The following CDH13 variants were observed in gnomAD, a reference collection of about 807,000 sequenced individuals.
CDH13 encodes the protein cadherin-13.
In CDH13, 24 loss-of-function variants were observed where a neutral mutation model predicts 63.8. That is an observed-to-expected ratio of 0.38 (90% confidence interval 0.27 to 0.53). CDH13 has a LOEUF of 0.53. Among genes scored for constraint, CDH13 ranks in the 20% least tolerant of loss-of-function variants. The probability of loss-of-function intolerance (pLI) is 0.85; values close to 1 mark genes in which losing one functional copy is unlikely to be tolerated. For synonymous variants in CDH13, 503 were observed against 355.3 expected (o/e 1.42, Z -4.67); for missense variants, 1,049 against 903.1 (o/e 1.16, Z -2.07).
At chr16:83,263,282 T>C (rs1452571525) in intron 5 of CDH13, among the ~76,000 whole-genome samples, 2 of 152,260 alleles carry the variant, frequency 1.3e-5, no homozygotes, top group Non-Finnish European at 2.9e-5. Flanking sequence ...TTTTGCTTAG[T>C]TGGTTGTCTG....
At chr16:83,041,852 A>G (rs1253262867) in intron 3 of CDH13, among the ~76,000 whole-genome samples, 1 of 152,226 alleles carries the variant, frequency 6.6e-6, no homozygotes, top group Non-Finnish European at 1.5e-5. Context: ...GACACATTTA[A>G]TAAAACAAAT....
chr16:83,754,859 A>C (rs990916447), intron 11 of CDH13, among the ~76,000 whole-genome samples: 2 of 152,088 alleles, frequency 1.3e-5, no homozygotes, highest in African/African-American at 4.8e-5. Context: ...CTAATACATC[A>C]TCCTATCTGA....
At chr16:82,630,415 T>A (rs1031809319) in intron 1 of CDH13, among the ~76,000 whole-genome samples, 1 of 152,236 alleles carries the variant, frequency 6.6e-6, no homozygotes, top group African/African-American at 2.4e-5. Context: ...TTCCACAGTC[T>A]ATACTAAAAG....
At chr16:83,663,722 C>T (rs890572020) in intron 8 of CDH13, among the ~76,000 whole-genome samples, 1 of 152,136 alleles carries the variant, frequency 6.6e-6, no homozygotes, top group Non-Finnish European at 1.5e-5. Context: ...TCTTTCTGTT[C>T]ATGGTTACTG....
chr16:83,269,313 C>G (rs1374679632), intron 5 of CDH13, among the ~76,000 whole-genome samples: 1 of 152,164 alleles, frequency 6.6e-6, no homozygotes, highest in East Asian at 1.9e-4. Flanking sequence ...ATCACCACAG[C>G]TTTGTATTAC....
intron 7 of CDH13, among the ~76,000 whole-genome samples, chr16:83,526,286 G>A (rs1172814209): frequency 6.6e-6 from 1 of 151,986 alleles, no homozygotes; most frequent in Admixed American, 6.6e-5. Context: ...TCTCAAGCTG[G>A]GGCAAAAATA....
chr16:83,611,741 A>C (rs1041411850), intron 8 of CDH13, among the ~76,000 whole-genome samples: 1 of 152,084 alleles, frequency 6.6e-6, no homozygotes, highest in African/African-American at 2.4e-5. Context: ...TTCAGATCAA[A>C]AATATTTTTG....
At chr16:83,490,694 G>A (rs1230838751) in intron 7 of CDH13, among the ~76,000 whole-genome samples, 2 of 152,192 alleles carry the variant, frequency 1.3e-5, no homozygotes, top group African/African-American at 2.4e-5. Flanking sequence ...AGAAATATCT[G>A]TTGAGAGTTG....
rs34536219 is a variant in CDH13 at position 83,077,186 on chromosome 16, C to CTTTTTTTTTTTTTTTTT, written c.366+44976_366+44992dup. Among the ~76,000 whole-genome samples, 20 of 59,172 alleles carry CTTTTTTTTTTTTTTTTT rather than the reference C, an allele frequency of 3.4e-4. 2 individuals carry two copies. The highest frequency in any genetic ancestry group is 5.9e-4 in the East Asian group (1 of 1,684). 38.8% of individuals were successfully genotyped at this position (59,172 alleles called of 152,430 possible). A position where few individuals can be genotyped will look rare whatever the true frequency, so the allele number is the denominator to read the frequency against. ...TCTTTTCTTTTCTTTTTTTTCTTTT[C>CTTTTTTTTTTTTTTTTT]TTTTTTTTTTTTTTTTTTTTTTTTG... On this transcript the variant is annotated intron_variant, in intron 3 of 13. Transcript: ENST00000567109.
chr16:82,930,496 A>G (rs1270109090), intron 2 of CDH13, among the ~76,000 whole-genome samples: 1 of 152,112 alleles, frequency 6.6e-6, no homozygotes. Context: ...TATGGTTTGT[A>G]TACGGATGCC....
chr16:83,121,720 T>A (rs28507852), intron 3 of CDH13, among the ~76,000 whole-genome samples: 67,848 of 152,056 alleles, frequency 0.45, 16,338 homozygotes, highest in Admixed American at 0.57. Context: ...TTCATACAGT[T>A]TTATTCTTCT....
At chr16:83,127,588 G>A (rs1272009704) in intron 4 of CDH13, among the ~76,000 whole-genome samples, 1 of 152,034 alleles carries the variant, frequency 6.6e-6, no homozygotes, top group African/African-American at 2.4e-5. Context: ...AAATTAGCCA[G>A]TGTCATGGCA....
chr16:83,381,916 G>A (rs1404497159), intron 6 of CDH13, among the ~76,000 whole-genome samples: 1 of 152,130 alleles, frequency 6.6e-6, no homozygotes, highest in Non-Finnish European at 1.5e-5. Context: ...CTGTCATTCT[G>A]TGCAGAGCTC....
chr16:83,273,724 C>G (rs1242637212), intron 5 of CDH13, among the ~76,000 whole-genome samples: 4 of 152,138 alleles, frequency 2.6e-5, no homozygotes, highest in Non-Finnish European at 5.9e-5. Context: ...GTTTGTTGAT[C>G]TCTTGTGGTT....
At chr16:82,911,408 G>A (rs916748444) in intron 2 of CDH13, among the ~76,000 whole-genome samples, 6 of 152,134 alleles carry the variant, frequency 3.9e-5, no homozygotes, top group African/African-American at 1.4e-4. Flanking sequence ...GACATCCAAA[G>A]CCTCTTTGTC....
rs571079624 is a variant in CDH13 at position 82,855,029 on chromosome 16, C to T, written c.46-3333C>T. ...ACTAATTCTTACCTCACTAAGTCAC[C>T]CATGGCCCAGGAGGGTACTGTGTAC... is the stretch of plus-strand genomic sequence containing the variant. On this transcript the variant is annotated intron_variant, in intron 1 of 13. Transcript: ENST00000567109. Among the ~76,000 whole-genome samples, 23 of 152,170 alleles carry T rather than the reference C, an allele frequency of 1.5e-4. No individual in the cohort carries two copies. In the South Asian group the frequency reaches 4.6e-3, roughly 30 times the overall value.
chr16:82,716,752 G>A (rs1382999829), intron 1 of CDH13, among the ~76,000 whole-genome samples: 1 of 151,442 alleles, frequency 6.6e-6, no homozygotes, highest in African/African-American at 2.4e-5. Flanking sequence ...AGTAATACAA[G>A]TTATGAATAT....
chr16:83,481,975 T>C (rs539480199), intron 6 of CDH13, among the ~76,000 whole-genome samples: 2 of 152,170 alleles, frequency 1.3e-5, no homozygotes, highest in South Asian at 4.2e-4. Context: ...CCACAGGCAA[T>C]TGGAGCAGGT....
chr16:83,744,093 A>G (rs1253581184), intron 10 of CDH13, among the ~76,000 whole-genome samples: 3 of 152,158 alleles, frequency 2.0e-5, no homozygotes, highest in East Asian at 1.9e-4. Flanking sequence ...AAATAAATGT[A>G]GTGATGCTCT....
Sources: allele counts gnomAD v4.1 joint callset (sites outside exome capture counted in the v4.1 genomes callset), GRCh38; gene constraint gnomAD v4.1.1; transcripts MANE v1.5; gene names NCBI Gene and HGNC (gene_info 2026-07-23, HGNC 2026-07-21).